VPS13C: variants seen among roughly 807,000 people sequenced by gnomAD.
VPS13C encodes the protein intermembrane lipid transfer protein VPS13C.
In VPS13C, 358 loss-of-function variants were observed where a neutral mutation model predicts 456.8. The ratio of observed to expected loss-of-function variants is 0.78; its 90% CI spans 0.72 to 0.86. VPS13C has a LOEUF of 0.86. Among genes scored for constraint, VPS13C ranks in the 40% least tolerant of loss-of-function variants. The pLI, the probability that VPS13C is intolerant of heterozygous loss-of-function variation, is 0.00. For synonymous variants in VPS13C, 1,578 were observed against 1,486.7 expected, an observed-to-expected ratio of 1.06 and a Z score of -1.41; for missense variants, 4,818 against 4,385.4, an observed-to-expected ratio of 1.10 and a Z score of -2.79.
intron 53 of VPS13C, among the ~76,000 whole-genome samples, chr15:61,925,109 A>C (rs891250612): frequency 6.6e-6 from 1 of 152,164 alleles, no homozygotes; most frequent in Non-Finnish European, 1.5e-5. Context: ...TATTACAAAT[A>C]AAGTAATAAC....
At chr15:61,958,868 C>T in intron 36 of VPS13C, 152 bp from the exon 37 acceptor site, 1 of 453,892 alleles carries the variant, frequency 2.2e-6, no homozygotes, top group Non-Finnish European at 3.8e-6. Context: ...TTAAGTATTG[C>T]ACTACTTATT....
intron 81 of VPS13C, chr15:61,866,231 A>G (rs1461222492): frequency 1.0e-6 from 1 of 984,890 alleles, no homozygotes; most frequent in Non-Finnish European, 1.2e-6. Flanking sequence ...TTAGTGTATA[A>G]TCATTCTTTT....
In VPS13C at chr15:61,961,675, C is replaced by G; in HGVS notation, c.3822G>C (p.Gln1274His). ...AGTCTTCATCAGACACCAGACTGAA[C>G]TGATTATGAACTCTGATTAACCCAA... ...VDLGLIRVHN[Q>H]FSLVSDEDYL... is the part of the protein sequence containing the mutation. Residue 1274 changes from glutamine (Q) to histidine (H), a missense_variant, in exon 35 of 85, where the codon CAG (glutamine) becomes CAC (histidine). Gln to His is a conservative substitution (Grantham distance 24). Transcript: ENST00000644861. 6.2e-7 allele frequency: 1 copy of G among 1,613,970 alleles called. No individual in the cohort carries two copies. Among genetic ancestry groups the G allele is most frequent in the Non-Finnish European group, 8.5e-7 (1 of 1,179,938 alleles).
intron 81 of VPS13C, chr15:61,865,653 T>C (rs2140856702): frequency 2.6e-6 from 1 of 383,216 alleles, no homozygotes; most frequent in Non-Finnish European, 3.6e-6. Context: ...TGTGTGTATA[T>C]ATATGTATGT....
intron 15 of VPS13C, among the ~76,000 whole-genome samples, chr15:62,005,013 G>A (rs1321493850): frequency 1.3e-5 from 2 of 151,972 alleles, no homozygotes; most frequent in East Asian, 1.9e-4. Flanking sequence ...TTGGGGTGGA[G>A]AGTTCTGTAG....
intron 3 of VPS13C, among the ~76,000 whole-genome samples, chr15:62,037,260 T>A (rs1160935665): frequency 3.9e-5 from 1 of 25,808 alleles, no homozygotes; most frequent in African/African-American, 1.7e-4. Flanking sequence ...TATTTATATA[T>A]ATTATATTAT....
In VPS13C at chr15:61,925,495, C is replaced by T. The variant is rs1255756911; in HGVS notation, c.6570G>A (p.Lys2190=). 1.9e-6 allele frequency: 3 copies of T among 1,603,490 alleles called. No homozygotes were observed. Among genetic ancestry groups the T allele is most frequent in the African/African-American group, 2.7e-5 (2 of 74,348 alleles). Residue 2190 remains lysine, a synonymous_variant, in exon 53 of 85, where the codon AAG becomes AAA. Coordinates refer to ENST00000644861, the MANE Select transcript of VPS13C (RefSeq NM_020821.3). Reference sequence around the variant, plus strand: ...CTTTAACCATAATATTTATATTTTGCTTTCCTGAAGCCCACGTACATTTTT... The same window carrying T: ...CTTTAACCATAATATTTATATTTTGTTTTCCTGAAGCCCACGTACATTTTT... ...FMEKCTWASG[K]QNINIMVKEF... is the part of the protein sequence containing the mutation.
intron 9 of VPS13C, among the ~76,000 whole-genome samples, chr15:62,014,945 GTAA>G (rs2047175228): frequency 6.6e-6 from 1 of 152,258 alleles, no homozygotes; most frequent in South Asian, 2.1e-4. Flanking sequence ...CAGGCAGAAA[GTAA>G]TACAGACAAC....
chr15:61,950,337 A>G, intron 41 of VPS13C, 21 bp downstream of exon 41: 1 of 1,590,176 alleles, frequency 6.3e-7, no homozygotes, highest in South Asian at 1.1e-5. Context: ...CCAACCTTAT[A>G]GCAAATTATA....
At chr15:61,987,662 A>C (rs967688478) in intron 18 of VPS13C, among the ~76,000 whole-genome samples, 2 of 152,218 alleles carry the variant, frequency 1.3e-5, no homozygotes, top group African/African-American at 4.8e-5. Flanking sequence ...ATCATTAGTC[A>C]TTAGGAAAAT....
chr15:62,029,398 A>C (rs1175481966), intron 5 of VPS13C, among the ~76,000 whole-genome samples: 1 of 152,098 alleles, frequency 6.6e-6, no homozygotes, highest in Non-Finnish European at 1.5e-5. Flanking sequence ...ACTCTCTATC[A>C]GACTCCCAAA....
chr15:61,967,095 C>A (rs183968848), intron 29 of VPS13C, among the ~76,000 whole-genome samples: 1 of 152,008 alleles, frequency 6.6e-6, no homozygotes, highest in African/African-American at 2.4e-5. Context: ...ATAATCAGTA[C>A]AGGTATGTGG....
At chr15:61,956,946 A>ACTC (rs1233007192) in intron 37 of VPS13C, among the ~76,000 whole-genome samples, 2 of 152,034 alleles carry the variant, frequency 1.3e-5, no homozygotes, top group African/African-American at 4.8e-5. Flanking sequence ...CAGTAATTCT[A>ACTC]CTCCTACCTA....
chr15:61,890,398 A>C lies in VPS13C; in HGVS notation c.9108T>G (p.Asp3036Glu). Reference sequence around the variant, plus strand: ...CATCATATGGAAACTGTCCACATCCATCCTGGGAAGAAGAAAGACTTCATT... The same window carrying C: ...CATCATATGGAAACTGTCCACATCCCTCCTGGGAAGAAGAAAGACTTCATT... ...ANVGEHDLLK[D>E]GCGQFPYDAN... Residue 3036 changes from aspartate to glutamate, a missense_variant and splice_region_variant, in exon 67 of 85, where the codon GAT becomes GAG. Asp to Glu is a conservative substitution (Grantham distance 45). This residue lies in a region of VPS13C where 4,552 missense variants were observed against 4,130.6 expected (regional missense o/e 1.10). Coordinates refer to ENST00000644861, the MANE Select transcript of VPS13C (RefSeq NM_020821.3). 6.2e-7 allele frequency: 1 copy of C among 1,612,870 alleles called. No individual in the cohort carries two copies.
Position 62,007,288 on chromosome 15 carries a change from C to T in VPS13C, c.1290+20G>A, listed in dbSNP as rs369114815. Reference sequence around the variant, plus strand: ...ATGATTAGACAAATAATAGCTCTCACTAATATATGCAAGATATACCTGAAT... The same window carrying T: ...ATGATTAGACAAATAATAGCTCTCATTAATATATGCAAGATATACCTGAAT... On this transcript the variant is annotated intron_variant, in intron 15 of 84. Coordinates refer to ENST00000644861, the MANE Select transcript of VPS13C (RefSeq NM_020821.3). 3.2e-5 allele frequency: 49 copies of T among 1,547,192 alleles called. No homozygotes were observed. Among genetic ancestry groups the T allele is most frequent in the Non-Finnish European group, 4.2e-5 (48 of 1,143,674 alleles).
rs931823635 is a variant in VPS13C, at chr15:61,852,714, A to C, written c.*1743T>G. 7 of 152,340 alleles carry C rather than the reference A, an allele frequency of 4.6e-5. No homozygotes were observed. In the East Asian group the frequency reaches 1.3e-3, roughly 29 times the overall value. The allele number at this position is 152,340 out of a possible 1,614,324, so 9.4% of individuals were successfully genotyped here. A position where few individuals can be genotyped will look rare whatever the true frequency, so the allele number is the denominator to read the frequency against. On this transcript the variant is annotated 3_prime_UTR_variant, in exon 85 of 85. Coordinates refer to ENST00000644861, the MANE Select transcript of VPS13C (RefSeq NM_020821.3). The stretch of plus-strand genomic sequence containing the variant: ...TCCCTTTAATAAACTGCAATTAACC[A>C]CTAATATAGAAATTCAATTTAAGCA...
chr15:61,941,712 T>A (rs767043560), intron 46 of VPS13C, 51 bp downstream of exon 46: 17 of 1,509,432 alleles, frequency 1.1e-5, no homozygotes, highest in Admixed American at 6.5e-5. Context: ...AAAAATTGTA[T>A]GAAAATCCTA....
intron 33 of VPS13C, 58 bp from the exon 34 acceptor site, chr15:61,962,596 T>C: frequency 6.7e-7 from 1 of 1,500,572 alleles, no homozygotes; most frequent in Non-Finnish European, 8.9e-7. Flanking sequence ...AAATAAAATC[T>C]CATTTACAAA....
Position 61,854,256 on chromosome 15 carries a change from G to A in VPS13C, c.*201C>T, listed in dbSNP as rs979112263. 1 of 594,180 alleles carries A rather than the reference G, an allele frequency of 1.7e-6. No homozygotes were observed. The highest frequency in any genetic ancestry group is 3.0e-6 in the Non-Finnish European group (1 of 334,164). The allele number at this position is 594,180 out of a possible 1,614,324, so 36.8% of individuals were successfully genotyped here. A position where few individuals can be genotyped will look rare whatever the true frequency, so the allele number is the denominator to read the frequency against. The stretch of plus-strand genomic sequence containing the variant: ...CCCATTTGGGTGGTGGCGTAGAAGT[G>A]GACTGCTAGCATATACATGGTTACA... On this transcript the variant is annotated 3_prime_UTR_variant, in exon 85 of 85. Coordinates refer to ENST00000644861, the MANE Select transcript of VPS13C (RefSeq NM_020821.3).
Sources: allele counts gnomAD v4.1 joint callset (sites outside exome capture counted in the v4.1 genomes callset), GRCh38; gene constraint gnomAD v4.1.1; regional missense constraint gnomAD v4.1.1; transcripts MANE v1.5; gene names NCBI Gene and HGNC (gene_info 2026-07-23, HGNC 2026-07-21).